The following MYO15B variants were observed in gnomAD, a reference collection of about 807,000 sequenced individuals.
MYO15B encodes the protein myosin XVB pseudogene.
A neutral mutation model predicts 119.3 loss-of-function variants in MYO15B; 207 were observed. The ratio of observed to expected loss-of-function variants is 1.73; its 90% CI spans 1.55 to 1.95. The LOEUF is 1.95. Among genes scored for constraint, MYO15B ranks in the 30% most tolerant of loss-of-function variants. The probability of loss-of-function intolerance (pLI) is 0.00; values close to 1 mark genes in which losing one functional copy is unlikely to be tolerated. For missense variants in MYO15B, 2,264 were observed against 1,203.1 expected (o/e 1.88, Z -13.04); for synonymous variants, 966 against 498.9 (o/e 1.94, Z -12.48).
exon 23 of MYO15B, chr17:75,610,923 T>C: frequency 1.4e-6 from 1 of 703,028 alleles, no homozygotes; most frequent in Non-Finnish European, 2.6e-6. Context: ...AGGGCTGGCA[T>C]AGCAGCGAAA....
At chr17:75,625,178 A>G (rs1355123242) in exon 60 of MYO15B, 5 of 702,452 alleles carry the variant, frequency 7.1e-6, no homozygotes, top group South Asian at 5.9e-5. Flanking sequence ...GCAGACGCGC[A>G]GCTCGCCAGG....
chr17:75,621,071 C>T (rs973248183), exon 50 of MYO15B: 13 of 702,730 alleles, frequency 1.8e-5, no homozygotes, highest in South Asian at 4.4e-5. Context: ...AGTGACGACT[C>T]GGAGGCCACC....
In MYO15B at chr17:75,606,926, C is replaced by T. The variant is rs997953314; in HGVS notation, c.4292+905C>T. 170 of 398,556 alleles carry T rather than the reference C, an allele frequency of 4.3e-4. 2 individuals carry two copies. In the East Asian group the frequency reaches 5.9e-3, roughly 14 times the overall value. The allele number at this position is 398,556 out of a possible 1,614,324, so 24.7% of individuals were successfully genotyped here. On this transcript the variant is annotated intron_variant, in intron 21 of 63. Transcript: ENST00000645453. ...CTCACCTAATCATCTCTTTTTCGCC[C>T]TCACAGCCTGTCTTCACACATTCCT...
Position 75,589,326 on chromosome 17 carries a change from G to C in MYO15B, c.1269G>C (p.Gly423=). The change falls in exon 1 of 64, where the codon GGG becomes GGC. Residue 423 remains glycine (G), a synonymous_variant. Coordinates refer to ENST00000645453, the Ensembl canonical transcript of MYO15B. This position sits in a 1 kb window ranked among gnomAD's most constrained non-coding sequence, Gnocchi z 4.2. ...GGGGTCATGGGAGAGGAAGCAAGGG[G>C]CGGGGCCGCGGGAAAGCGGATGAAG... The C allele has an allele frequency of 3.0e-6, 1 of 329,786 alleles. No homozygotes were observed. Among genetic ancestry groups the C allele is most frequent in the Admixed American group, 5.3e-5 (1 of 19,002 alleles). 20.4% of individuals were successfully genotyped at this position (329,786 alleles called of 1,614,324 possible). A position where few individuals can be genotyped will look rare whatever the true frequency, so the allele number is the denominator to read the frequency against.
chr17:75,605,983 G>A, exon 21 of MYO15B: 1 of 701,992 alleles, frequency 1.4e-6, no homozygotes, highest in East Asian at 2.7e-5. Context: ...AGCGCGTCCT[G>A]CCCCGGATGC....
At chr17:75,623,843 A>C (rs758688692) in exon 54 of MYO15B, 34 of 691,112 alleles carry the variant, frequency 4.9e-5, no homozygotes, top group Non-Finnish European at 8.9e-5. Flanking sequence ...AGGTCACGGG[A>C]CACCCCCGGC....
intron 42 of MYO15B, 57 bp from the exon 43 acceptor site, chr17:75,618,069 C>T: frequency 1.4e-6 from 1 of 700,374 alleles, no homozygotes; most frequent in South Asian, 1.5e-5. Flanking sequence ...AGGGCAGAGG[C>T]TTGCTGGGAA....
intron 14 of MYO15B, among the ~76,000 whole-genome samples, chr17:75,598,983 C>G (rs1179995787): frequency 6.6e-6 from 1 of 152,156 alleles, no homozygotes; most frequent in Non-Finnish European, 1.5e-5. Flanking sequence ...ATAATATAGG[C>G]AAGTTCCCCC....
chr17:75,614,234 C>G lies in MYO15B; in HGVS notation c.5255C>G (p.Ser1752Ter), dbSNP rs757456518. The G allele has an allele frequency of 4.3e-6, 3 of 702,740 alleles. No individual in the cohort carries two copies. The highest frequency in any genetic ancestry group is 3.0e-5 in the South Asian group (2 of 67,600). The allele number at this position is 702,740 out of a possible 1,614,324, so 43.5% of individuals were successfully genotyped here. The change falls in exon 30 of 64, where the codon TCA becomes TGA. Residue 1752 changes from serine (S) to a stop codon, truncating the protein, a stop_gained. Coordinates refer to ENST00000645453, the Ensembl canonical transcript of MYO15B. LOFTEE classifies it high-confidence loss of function. Reference sequence around the variant, plus strand: ...GCGCCTCCCCGGGGCTGGTCTGTGTCACTGCACTCCAGGGACGCATGGCAG... The same window carrying G: ...GCGCCTCCCCGGGGCTGGTCTGTGTGACTGCACTCCAGGGACGCATGGCAG...
chr17:75,611,411 G>A (rs1043406123), intron 23 of MYO15B, among the ~76,000 whole-genome samples, 190 bp from the exon 24 acceptor site: 2 of 149,166 alleles, frequency 1.3e-5, no homozygotes, highest in African/African-American at 5.0e-5. Context: ...CAAGGCTGCA[G>A]TGAGCCATGA....
At chr17:75,604,837 C>T (rs1460488334) in intron 19 of MYO15B, among the ~76,000 whole-genome samples, 2 of 152,070 alleles carry the variant, frequency 1.3e-5, no homozygotes, top group African/African-American at 2.4e-5. Context: ...CTCAGGGTGT[C>T]GTACAGCAAG....
chr17:75,598,223 G>A (rs1240364763), intron 14 of MYO15B, among the ~76,000 whole-genome samples: 1 of 149,032 alleles, frequency 6.7e-6, no homozygotes, highest in African/African-American at 2.5e-5. Context: ...AGCCGAGATC[G>A]TGCCACTACA....
exon 45 of MYO15B, chr17:75,619,368 G>A: frequency 1.4e-6 from 1 of 702,724 alleles, no homozygotes; most frequent in African/African-American, 1.7e-5. Flanking sequence ...GAGGCTTGGA[G>A]GTGGACCTGG....
exon 6 of MYO15B, chr17:75,592,034 G>A (rs1255329395): frequency 1.4e-6 from 1 of 702,830 alleles, no homozygotes; most frequent in Admixed American, 2.0e-5. Flanking sequence ...CATCCTCAAT[G>A]CCAATGCCAG....
intron 52 of MYO15B, chr17:75,621,780 G>A: frequency 1.7e-6 from 1 of 601,450 alleles, no homozygotes; most frequent in Non-Finnish European, 3.0e-6. Flanking sequence ...TTGGAAGGCA[G>A]TCCATGGGTC....
chr17:75,625,792 G>A, intron 61 of MYO15B, 52 bp from the exon 62 acceptor site: 1 of 701,326 alleles, frequency 1.4e-6, no homozygotes, highest in Non-Finnish European at 2.6e-6. Context: ...AGCAGAGCAG[G>A]TTCCAGGGCC....
intron 16 of MYO15B, 30 bp downstream of exon 16, chr17:75,602,624 C>T (rs1204532703): frequency 1.1e-5 from 7 of 646,328 alleles, no homozygotes; most frequent in Admixed American, 2.3e-5. Context: ...GGCCCCCACC[C>T]GCTCCATACT....
intron 15 of MYO15B, chr17:75,602,210 G>A (rs2057327653): frequency 2.2e-6 from 1 of 463,606 alleles, no homozygotes; most frequent in Non-Finnish European, 3.9e-6. Flanking sequence ...CTAGGAAAAT[G>A]TAAATCAAAA....
exon 60 of MYO15B, chr17:75,625,181 T>C: frequency 1.4e-6 from 1 of 702,538 alleles, no homozygotes; most frequent in Non-Finnish European, 2.6e-6. Flanking sequence ...GACGCGCAGC[T>C]CGCCAGGCTG....
Sources: gnomAD v4.1 joint callset for allele counts (sites outside exome capture counted in the v4.1 genomes callset) on GRCh38, gnomAD v4.1.1 for gene constraint, Gnocchi (gnomAD v3.1) non-coding constraint, MANE v1.5 for transcripts, NCBI Gene and HGNC (gene_info 2026-07-23, HGNC 2026-07-21) for gene names.